The following KHDC1 variants were observed in gnomAD, a reference collection of about 807,000 sequenced individuals.
The protein encoded by KHDC1 is KH domain containing 1.
In KHDC1, 21 loss-of-function variants were observed where a neutral mutation model predicts 24.7. That is an observed-to-expected ratio of 0.85 (90% CI 0.60 to 1.23). KHDC1 has a LOEUF of 1.23. KHDC1 is among the 50% of genes most tolerant of loss of function. The probability of loss-of-function intolerance (pLI) is 0.00; values close to 1 mark genes in which losing one functional copy is unlikely to be tolerated. For synonymous variants in KHDC1, 98 were observed against 111.7 expected, an observed-to-expected ratio of 0.88 and a Z score of 0.77; for missense variants, 274 against 298.5, an observed-to-expected ratio of 0.92 and a Z score of 0.61.
At chr6:73,277,572 C>A (rs1013871510) in intron 2 of KHDC1, among the ~76,000 whole-genome samples, 1 of 152,128 alleles carries the variant, frequency 6.6e-6, no homozygotes, top group Non-Finnish European at 1.5e-5. Context: ...TCGCTTGGGC[C>A]AAGCGCAATT....
intron 4 of KHDC1, 27 bp from the exon 4 acceptor site, chr6:73,241,755 G>A: frequency 6.2e-7 from 1 of 1,611,670 alleles, no homozygotes; most frequent in Non-Finnish European, 8.5e-7. Context: ...CAGGGCTAAT[G>A]AACCAGGGCC....
At chr6:73,271,623 G>T (rs1767182107) in intron 2 of KHDC1, among the ~76,000 whole-genome samples, 1 of 151,880 alleles carries the variant, frequency 6.6e-6, no homozygotes, top group South Asian at 2.1e-4. Flanking sequence ...GCTGGGTGCA[G>T]TGGCTCACAC....
intron 2 of KHDC1, among the ~76,000 whole-genome samples, chr6:73,287,963 G>T (rs1767553489): frequency 6.6e-6 from 1 of 152,148 alleles, no homozygotes; most frequent in Admixed American, 6.6e-5. Context: ...AGTGGAGAAG[G>T]GCTAATGAAG....
intron 1 of KHDC1, among the ~76,000 whole-genome samples, chr6:73,306,587 C>T (rs1347233322): frequency 6.6e-6 from 1 of 151,916 alleles, no homozygotes; most frequent in East Asian, 1.9e-4. Flanking sequence ...AACCAAGGAG[C>T]TATTTCATGC....
At chr6:73,254,358 G>A (rs994448119) in intron 2 of KHDC1, among the ~76,000 whole-genome samples, 5 of 152,018 alleles carry the variant, frequency 3.3e-5, no homozygotes, top group African/African-American at 1.2e-4. Context: ...CTCCTCGGGA[G>A]GCTGAGGCAG....
At chr6:73,289,667 AAAG>A (rs1353379835) in intron 2 of KHDC1, among the ~76,000 whole-genome samples, 2 of 151,950 alleles carry the variant, frequency 1.3e-5, no homozygotes, top group Non-Finnish European at 2.9e-5. Context: ...ACAACAGAAA[AAAG>A]AAAAAAAACG....
At chr6:73,264,298 G>T (rs149486472) in intron 2 of KHDC1, among the ~76,000 whole-genome samples, 1 of 152,138 alleles carries the variant, frequency 6.6e-6, no homozygotes, top group Non-Finnish European at 1.5e-5. Context: ...AGTAGGGAAG[G>T]GTCAAGATAG....
chr6:73,263,305 C>T (rs1767021771), intron 2 of KHDC1, 109 bp from the exon 1 acceptor site: 3 of 984,482 alleles, frequency 3.0e-6, no homozygotes, highest in Non-Finnish European at 3.6e-6. Context: ...TGCCGGCGCG[C>T]AGAGAGCCCA....
intron 1 of KHDC1, among the ~76,000 whole-genome samples, chr6:73,307,918 G>C (rs1767999664): frequency 1.3e-5 from 2 of 152,008 alleles, no homozygotes; most frequent in Non-Finnish European, 2.9e-5. Context: ...GTTTGTTTTT[G>C]AGACAGAGTC....
At chr6:73,242,607 TC>T in intron 2 of KHDC1, 77 bp from the exon 2 acceptor site, 1 of 1,587,040 alleles carries the variant, frequency 6.3e-7, no homozygotes, top group Non-Finnish European at 8.6e-7. Context: ...CTAGGCTCTG[TC>T]CTTAACATAG....
rs138830706 is a variant in KHDC1, at chr6:73,242,401, C to T, written c.331+5G>A. ...AAGAAGGGGACGTGGGCAAAGGCCA[C>T]TCACCGAAGATGAGCTCCTCCTGGT... On this transcript the variant is annotated splice_donor_5th_base_variant and intron_variant, in intron 3 of 4. Coordinates refer to ENST00000370384, the Ensembl canonical transcript of KHDC1. 2.5e-6 allele frequency: 4 copies of T among 1,614,176 alleles called. No homozygotes were observed. The African/African-American group carries it at 5.3e-5, about 22-fold the overall frequency.
chr6:73,259,418 T>G (rs1184307642), intron 2 of KHDC1, among the ~76,000 whole-genome samples: 1 of 151,698 alleles, frequency 6.6e-6, no homozygotes, highest in Non-Finnish European at 1.5e-5. Flanking sequence ...TGCCCTAGCT[T>G]CCTGAATAAC....
At chr6:73,298,176 G>A (rs62440561) in intron 1 of KHDC1, among the ~76,000 whole-genome samples, 2,090 of 152,032 alleles carry the variant, frequency 0.014, 22 homozygotes, top group Admixed American at 0.024. Flanking sequence ...AAAAGTAGAG[G>A]TCAAGGCAAT....
chr6:73,293,340 T>C (rs573163469), intron 1 of KHDC1: 3 of 499,094 alleles, frequency 6.0e-6, no homozygotes, highest in East Asian at 9.6e-5. Context: ...AAAACTATTA[T>C]ATAAAGGGTG....
intron 2 of KHDC1, among the ~76,000 whole-genome samples, chr6:73,287,642 C>A (rs999232157): frequency 1.3e-5 from 2 of 152,156 alleles, no homozygotes; most frequent in African/African-American, 4.8e-5. Context: ...CACAAAGGAA[C>A]CTACAGTCAT....
At chr6:73,244,126 G>A (rs916445257) in intron 2 of KHDC1, among the ~76,000 whole-genome samples, 2 of 152,128 alleles carry the variant, frequency 1.3e-5, no homozygotes, top group Non-Finnish European at 2.9e-5. Context: ...AGAAGTAGAT[G>A]TTTAAAATAT....
chr6:73,267,612 T>G (rs12153835), intron 2 of KHDC1, among the ~76,000 whole-genome samples: 42,126 of 152,132 alleles, frequency 0.28, 6,478 homozygotes, highest in African/African-American at 0.41. Context: ...ACAGTTTAAT[T>G]TGTCCTCAGA....
At chr6:73,294,053 G>C (rs1767715584) in intron 1 of KHDC1, among the ~76,000 whole-genome samples, 2 of 150,704 alleles carry the variant, frequency 1.3e-5, no homozygotes, top group Non-Finnish European at 1.5e-5. Context: ...GGAAGCCAAG[G>C]CAGGATTGCT....
At chr6:73,291,110 G>T in intron 2 of KHDC1, 1 of 491,752 alleles carries the variant, frequency 2.0e-6, no homozygotes. Context: ...TACTCAATCT[G>T]AGGTTGCAGA....
Sources: gnomAD v4.1 joint callset for allele counts (sites outside exome capture counted in the v4.1 genomes callset) on GRCh38, gnomAD v4.1.1 for gene constraint, MANE v1.5 for transcripts, NCBI Gene and HGNC (gene_info 2026-07-23, HGNC 2026-07-21) for gene names.